The following CNTNAP2 variants were observed in gnomAD, a reference collection of about 807,000 sequenced individuals.
CNTNAP2 encodes contactin-associated protein-like 2.
Under a neutral mutation model 155.2 loss-of-function variants are expected in CNTNAP2, and 98 were observed. The ratio of observed to expected loss-of-function variants is 0.63; its 90% confidence interval spans 0.54 to 0.75. The LOEUF (loss-of-function observed/expected upper bound fraction) is 0.75. Ranked by LOEUF, CNTNAP2 falls within the 30% of genes least tolerant of loss-of-function variation. CNTNAP2 has a pLI of 0.00. For missense variants in CNTNAP2, 1,727 were observed against 1,688.1 expected, an observed-to-expected ratio of 1.02 and a Z score of -0.40; for synonymous variants, 651 against 631.2, an observed-to-expected ratio of 1.03 and a Z score of -0.47.
chr7:147,259,592 AC>A (rs1422374659), intron 8 of CNTNAP2, among the ~76,000 whole-genome samples: 1 of 152,192 alleles, frequency 6.6e-6, no homozygotes, highest in African/African-American at 2.4e-5. Flanking sequence ...CTGCTGAACA[AC>A]TGTATATGGA....
At chr7:146,673,219 T>C (rs796511711) in intron 1 of CNTNAP2, among the ~76,000 whole-genome samples, 2 of 152,214 alleles carry the variant, frequency 1.3e-5, no homozygotes, top group South Asian at 4.1e-4. Context: ...TCTTCTGGTT[T>C]GTGTTATAAC....
chr7:146,496,722 T>G (rs10263542), intron 1 of CNTNAP2, among the ~76,000 whole-genome samples: 59,753 of 151,562 alleles, frequency 0.39, 12,254 homozygotes, highest in East Asian at 0.53. Flanking sequence ...TGTTTGTAGA[T>G]TTTATCACTT....
At chr7:147,090,997 T>C (rs1355088883) in intron 4 of CNTNAP2, among the ~76,000 whole-genome samples, 1 of 152,046 alleles carries the variant, frequency 6.6e-6, no homozygotes, top group South Asian at 2.1e-4. Context: ...AAAATTAAGC[T>C]TGGGCAAGTC....
chr7:146,606,527 G>A (rs1202349207), intron 1 of CNTNAP2, among the ~76,000 whole-genome samples: 1 of 152,134 alleles, frequency 6.6e-6, no homozygotes, highest in Admixed American at 6.6e-5. Flanking sequence ...TATTGTCATA[G>A]TCTGTTGATT....
intron 3 of CNTNAP2, among the ~76,000 whole-genome samples, chr7:146,937,791 T>G (rs1200227854): frequency 6.6e-6 from 1 of 152,166 alleles, no homozygotes; most frequent in African/African-American, 2.4e-5. Context: ...AATAAGAGTT[T>G]ATTCAAGCAC....
chr7:147,920,686 G>A (rs1286487928), intron 14 of CNTNAP2, among the ~76,000 whole-genome samples: 1 of 152,108 alleles, frequency 6.6e-6, no homozygotes, highest in East Asian at 1.9e-4. Context: ...GCAGTCCTTG[G>A]AAACACAGGG....
chr7:146,765,190 T>C (rs971443559), intron 1 of CNTNAP2, among the ~76,000 whole-genome samples: 2 of 152,190 alleles, frequency 1.3e-5, no homozygotes, highest in Non-Finnish European at 2.9e-5. Flanking sequence ...GGAGCCAAGA[T>C]ATTTAAAAAG....
chr7:146,538,077 C>A (rs1172210355), intron 1 of CNTNAP2, among the ~76,000 whole-genome samples: 1 of 151,966 alleles, frequency 6.6e-6, no homozygotes, highest in Non-Finnish European at 1.5e-5. Context: ...AGTTAGGAGG[C>A]TATTAGAGTA....
chr7:146,256,453 A>G (rs2129080717), intron 1 of CNTNAP2, among the ~76,000 whole-genome samples: 1 of 152,188 alleles, frequency 6.6e-6, no homozygotes, highest in East Asian at 1.9e-4. Flanking sequence ...GCAGTTATTG[A>G]TACATGTAAC....
intron 1 of CNTNAP2, among the ~76,000 whole-genome samples, chr7:146,236,984 T>C (rs1799484763): frequency 6.6e-6 from 1 of 152,194 alleles, no homozygotes; most frequent in Admixed American, 6.5e-5. Flanking sequence ...GCTTCGTTTC[T>C]GTATTTTAGA....
intron 17 of CNTNAP2, among the ~76,000 whole-genome samples, chr7:148,150,059 C>T (rs182073244): frequency 1.9e-4 from 25 of 131,214 alleles, no homozygotes; most frequent in Admixed American, 9.7e-4. Context: ...AAATATTGTT[C>T]GGCAATAGAA....
At chr7:146,545,129 G>A (rs187988674) in intron 1 of CNTNAP2, among the ~76,000 whole-genome samples, 1 of 151,848 alleles carries the variant, frequency 6.6e-6, no homozygotes, top group Non-Finnish European at 1.5e-5. Flanking sequence ...AATGATTAGG[G>A]GATTTGGAGA....
chr7:147,966,470 T>A (rs555700403), intron 14 of CNTNAP2, among the ~76,000 whole-genome samples: 1 of 152,070 alleles, frequency 6.6e-6, no homozygotes, highest in African/African-American at 2.4e-5. Flanking sequence ...TTTATAAAAA[T>A]TGTCCAGGTT....
chr7:146,942,685 T>C (rs1797079806), intron 3 of CNTNAP2, among the ~76,000 whole-genome samples: 1 of 152,154 alleles, frequency 6.6e-6, no homozygotes. Flanking sequence ...CAACCTATCA[T>C]TAAGAAGAAT....
chr7:147,036,602 G>C (rs577204116), intron 3 of CNTNAP2, among the ~76,000 whole-genome samples: 33 of 152,158 alleles, frequency 2.2e-4, no homozygotes, highest in Non-Finnish European at 3.2e-4. Context: ...CTGCCTCTAA[G>C]AGAGATTTAA....
chr7:146,812,015 C>G (rs1385835025), intron 2 of CNTNAP2, among the ~76,000 whole-genome samples: 1 of 152,070 alleles, frequency 6.6e-6, no homozygotes, highest in Admixed American at 6.6e-5. Context: ...TCAGGTATGT[C>G]TTTATTGGCA....
intron 13 of CNTNAP2, among the ~76,000 whole-genome samples, chr7:147,805,120 A>G (rs1301655553): frequency 6.6e-6 from 1 of 150,860 alleles, no homozygotes; most frequent in East Asian, 2.0e-4. Flanking sequence ...TGCCCAGGCT[A>G]GAGTGCAATG....
chr7:148,278,109 C>G (rs186759815), intron 21 of CNTNAP2, among the ~76,000 whole-genome samples: 1 of 152,070 alleles, frequency 6.6e-6, no homozygotes, highest in Admixed American at 6.5e-5. Context: ...AATCCATAGT[C>G]GAGGAGAAGA....
chr7:146,631,388 C>T (rs1799508747), intron 1 of CNTNAP2, among the ~76,000 whole-genome samples: 1 of 152,014 alleles, frequency 6.6e-6, no homozygotes, highest in South Asian at 2.1e-4. Flanking sequence ...GTTTGGGACC[C>T]ATTTCATGTC....
Sources: allele counts gnomAD v4.1 joint callset (sites outside exome capture counted in the v4.1 genomes callset), GRCh38; gene constraint gnomAD v4.1.1; transcripts MANE v1.5; gene names NCBI Gene and HGNC (gene_info 2026-07-23, HGNC 2026-07-21).